The following SLC2A13 variants were observed in gnomAD, a reference collection of about 807,000 sequenced individuals.
SLC2A13 encodes solute carrier family 2 member 13, also known as proton myo-inositol cotransporter.
In SLC2A13, 32 loss-of-function variants were observed where a neutral mutation model predicts 64.4. That is an observed-to-expected ratio of 0.50 (90% CI 0.37 to 0.67). SLC2A13 has a LOEUF of 0.67. Among genes scored for constraint, SLC2A13 ranks in the 30% least tolerant of loss-of-function variants. The pLI is 0.00. For missense variants in SLC2A13, 743 were observed against 829.2 expected (o/e 0.90, Z 1.28); for synonymous variants, 338 against 327.1 (o/e 1.03, Z -0.36).
At chr12:39,928,028 A>C (rs1945757378) in intron 4 of SLC2A13, among the ~76,000 whole-genome samples, 1 of 152,182 alleles carries the variant, frequency 6.6e-6, no homozygotes, top group Non-Finnish European at 1.5e-5. Flanking sequence ...CAGGAAACGA[A>C]TTACATTTCC....
chr12:39,932,301 T>C (rs1945838708), intron 4 of SLC2A13, among the ~76,000 whole-genome samples: 1 of 152,214 alleles, frequency 6.6e-6, no homozygotes, highest in Admixed American at 6.5e-5. Flanking sequence ...ACTTCTTTTT[T>C]TGACCACTAA....
At chr12:39,772,227 A>G in intron 7 of SLC2A13, among the ~76,000 whole-genome samples, 1 of 152,274 alleles carries the variant, frequency 6.6e-6, no homozygotes, top group Non-Finnish European at 1.5e-5. Context: ...ATGAGTTTGT[A>G]TCTCAGTTCT....
chr12:39,772,613 GAGA>G (rs996795920), intron 7 of SLC2A13, among the ~76,000 whole-genome samples: 2 of 152,042 alleles, frequency 1.3e-5, no homozygotes. Flanking sequence ...AAAGAAAAAA[GAGA>G]AGAAGAAAGA....
At chr12:40,036,477 AT>A (rs755284613) in intron 2 of SLC2A13, among the ~76,000 whole-genome samples, 1 of 152,154 alleles carries the variant, frequency 6.6e-6, no homozygotes, top group Non-Finnish European at 1.5e-5. Context: ...TTTCCAGTCA[AT>A]CCCCATTGCC....
chr12:39,870,164 A>G (rs1399761489), intron 5 of SLC2A13, among the ~76,000 whole-genome samples: 1 of 152,202 alleles, frequency 6.6e-6, no homozygotes, highest in Non-Finnish European at 1.5e-5. Flanking sequence ...TCAAAGGCCA[A>G]ATCCCAAATT....
At chr12:39,882,981 A>G (rs1261672468) in intron 4 of SLC2A13, among the ~76,000 whole-genome samples, 1 of 152,124 alleles carries the variant, frequency 6.6e-6, no homozygotes, top group East Asian at 1.9e-4. Flanking sequence ...GTTTATGAAT[A>G]TTTTTTAGGC....
intron 3 of SLC2A13, among the ~76,000 whole-genome samples, chr12:40,024,383 C>G (rs1196758420): frequency 1.3e-5 from 2 of 152,152 alleles, no homozygotes; most frequent in African/African-American, 2.4e-5. Flanking sequence ...TCAAAACTTG[C>G]AAAAATCAAT....
chr12:39,837,709 A>T (rs1260559896), intron 6 of SLC2A13, among the ~76,000 whole-genome samples: 14 of 152,214 alleles, frequency 9.2e-5, no homozygotes, highest in African/African-American at 3.4e-4. Context: ...TCAAAAGAAG[A>T]CATTTATACA....
rs563841470 is a variant in SLC2A13 at position 39,940,428 on chromosome 12, A to G, written c.1034+10829T>C. On this transcript the variant is annotated intron_variant, in intron 4 of 9. Coordinates refer to ENST00000280871, the MANE Select transcript of SLC2A13 (RefSeq NM_052885.4). The stretch of plus-strand genomic sequence containing the variant: ...CGTGGTAATTTTTTTTTTTAATACC[A>G]GCTGTGCTTGTTGAGGATAGAATAT... Among the ~76,000 whole-genome samples, 43 of 151,918 alleles carry G rather than the reference A, an allele frequency of 2.8e-4. 1 individual carries two copies. In the South Asian group the frequency reaches 8.7e-3, roughly 31 times the overall value.
intron 1 of SLC2A13, among the ~76,000 whole-genome samples, chr12:40,055,810 T>C (rs1948324682): frequency 6.6e-6 from 1 of 152,062 alleles, no homozygotes; most frequent in Non-Finnish European, 1.5e-5. Flanking sequence ...TACAAATCTA[T>C]AGTTTTCACT....
intron 4 of SLC2A13, among the ~76,000 whole-genome samples, chr12:39,907,118 TTAC>T (rs1179091372): frequency 3.9e-5 from 6 of 152,276 alleles, no homozygotes; most frequent in African/African-American, 9.6e-5. Flanking sequence ...TTAGTTGTAG[TTAC>T]TACATTTTAG....
intron 3 of SLC2A13, among the ~76,000 whole-genome samples, chr12:39,999,295 C>T (rs917634991): frequency 3.3e-5 from 5 of 152,162 alleles, no homozygotes; most frequent in African/African-American, 7.2e-5. Flanking sequence ...TCTGACTGCC[C>T]GCGGGGTCAG....
intron 4 of SLC2A13, among the ~76,000 whole-genome samples, chr12:39,921,442 G>T (rs1385148322): frequency 6.6e-6 from 1 of 152,068 alleles, no homozygotes; most frequent in Non-Finnish European, 1.5e-5. Flanking sequence ...ATAGCAGGGT[G>T]GCCCGGCCAT....
chr12:40,105,392 G>C lies in SLC2A13; in HGVS notation c.417C>G (p.Gly139=). 6.4e-7 allele frequency: 1 copy of C among 1,558,450 alleles called. No homozygotes were observed. Among genetic ancestry groups the C allele is most frequent in the Non-Finnish European group, 8.7e-7 (1 of 1,152,674 alleles). The change falls in exon 1 of 10, where the codon GGC becomes GGG. Residue 139 remains glycine, a synonymous_variant. Coordinates refer to ENST00000280871, the MANE Select transcript of SLC2A13 (RefSeq NM_052885.4). This position sits in a 1 kb window ranked among gnomAD's most constrained non-coding sequence, Gnocchi z 4.2. ...GGCGGCCGAAGACGCCGTTGAGGGC[G>C]CCTCCGGCCAGCGCCGAGACGGCAG... ...GAAAVSALAG[G]ALNGVFGRRA...
In SLC2A13 at chr12:39,951,124, C is replaced by T. The variant is rs560356071; in HGVS notation, c.1034+133G>A. On this transcript the variant is annotated intron_variant, in intron 4 of 9. Coordinates refer to ENST00000280871, the MANE Select transcript of SLC2A13 (RefSeq NM_052885.4). ...TAAAAAATTGTAAAGTCAGTATCTC[C>T]CAAAAGGAGAATTCATACATTTAAT... 1.4e-4 allele frequency: 98 copies of T among 684,628 alleles called. 4 individuals carry two copies. The South Asian group carries it at 3.2e-3, about 22-fold the overall frequency. 42.4% of individuals were successfully genotyped at this position (684,628 alleles called of 1,614,324 possible).
chr12:40,096,785 A>G (rs1271697255), intron 1 of SLC2A13, among the ~76,000 whole-genome samples: 2 of 152,094 alleles, frequency 1.3e-5, no homozygotes, highest in African/African-American at 2.4e-5. Context: ...TCTTCTGTCT[A>G]TAACTACTGT....
chr12:39,784,677 T>A (rs1592135048), intron 7 of SLC2A13, among the ~76,000 whole-genome samples: 1 of 152,212 alleles, frequency 6.6e-6, no homozygotes, highest in South Asian at 2.1e-4. Context: ...AAGGACTTCA[T>A]GACTAAAACA....
In SLC2A13 at chr12:40,105,273, A is replaced by G. The variant is rs758861667; in HGVS notation, c.536T>C (p.Leu179Pro). ...CTCACCGATGCCGAGTCCCACGACCAGGCGGCCGGCGAGCAGTGTCTCCTT... is the reference window on the plus strand; with the variant it reads ...CTCACCGATGCCGAGTCCCACGACCGGGCGGCCGGCGAGCAGTGTCTCCTT... ...NNKETLLAGR[L>P]VVGLGIGIAS... Residue 179 changes from leucine to proline, a missense_variant, in exon 1 of 10, where the codon CTG becomes CCG. Coordinates refer to ENST00000280871, the MANE Select transcript of SLC2A13 (RefSeq NM_052885.4). The surrounding 1 kb of genome is among the most constrained non-coding windows in gnomAD (Gnocchi z 4.2). The G allele has an allele frequency of 6.3e-7, 1 of 1,596,762 alleles. No homozygotes were observed. Among genetic ancestry groups the G allele is most frequent in the Non-Finnish European group, 8.5e-7 (1 of 1,174,082 alleles).
chr12:40,021,630 T>C (rs1291913727), intron 3 of SLC2A13, among the ~76,000 whole-genome samples: 1 of 152,212 alleles, frequency 6.6e-6, no homozygotes, highest in African/African-American at 2.4e-5. Flanking sequence ...TGCCAATATT[T>C]AGAAAATTGC....
Sources: gnomAD v4.1 joint callset for allele counts (sites outside exome capture counted in the v4.1 genomes callset) on GRCh38, gnomAD v4.1.1 for gene constraint, Gnocchi (gnomAD v3.1) non-coding constraint, MANE v1.5 for transcripts, NCBI Gene and HGNC (gene_info 2026-07-23, HGNC 2026-07-21) for gene names.